Variants in SLC39A11 observed in about 807,000 individuals in gnomAD.
SLC39A11 encodes zinc transporter ZIP11.
SLC39A11 carries 33 observed loss-of-function variants against 36.1 expected under a neutral mutation model. The observed-to-expected ratio is 0.91, with a 90% CI of 0.69 to 1.22. The LOEUF is 1.22. Among genes scored for constraint, SLC39A11 ranks in the 50% most tolerant of loss-of-function variants. The pLI, the probability that SLC39A11 is intolerant of heterozygous loss-of-function variation, is 0.00. For missense variants in SLC39A11, 432 were observed against 430.3 expected (o/e 1.00, Z -0.03); for synonymous variants, 166 against 170.3 (o/e 0.97, Z 0.20).
chr17:73,056,309 T>C (rs991092798), intron 3 of SLC39A11, among the ~76,000 whole-genome samples: 10 of 152,048 alleles, frequency 6.6e-5, no homozygotes, highest in African/African-American at 2.2e-4. Flanking sequence ...GCTGGGACTA[T>C]AGGCGCCATC....
intron 7 of SLC39A11, among the ~76,000 whole-genome samples, chr17:72,717,893 C>T (rs144304233): frequency 5.9e-5 from 9 of 152,312 alleles, no homozygotes; most frequent in Admixed American, 2.6e-4. Flanking sequence ...ACCGCAAGGC[C>T]ACCAGATCAC....
chr17:72,914,742 C>A (rs2083235677), intron 5 of SLC39A11, among the ~76,000 whole-genome samples: 1 of 152,094 alleles, frequency 6.6e-6, no homozygotes, highest in Non-Finnish European at 1.5e-5. Context: ...GTGACAGACT[C>A]CTATAATCCC....
chr17:72,828,283 G>A (rs1195529470), intron 6 of SLC39A11, among the ~76,000 whole-genome samples: 1 of 152,186 alleles, frequency 6.6e-6, no homozygotes, highest in Non-Finnish European at 1.5e-5. Flanking sequence ...TAATCATAAG[G>A]GTCCTTAAAA....
intron 6 of SLC39A11, among the ~76,000 whole-genome samples, chr17:72,739,772 G>T (rs76705811): frequency 6.6e-6 from 1 of 152,014 alleles, no homozygotes; most frequent in African/African-American, 2.4e-5. Flanking sequence ...CTTTAAAATC[G>T]ATACGCATTT....
At chr17:72,925,304 A>T (rs1168156812) in intron 5 of SLC39A11, among the ~76,000 whole-genome samples, 1 of 152,214 alleles carries the variant, frequency 6.6e-6, no homozygotes, top group Non-Finnish European at 1.5e-5. Context: ...TTCACACCTG[A>T]TTCCATGATT....
chr17:72,663,645 G>T (rs1353909442), intron 7 of SLC39A11, among the ~76,000 whole-genome samples: 1 of 152,140 alleles, frequency 6.6e-6, no homozygotes, highest in Non-Finnish European at 1.5e-5. Flanking sequence ...AATGATGAGG[G>T]CCTCAGTCTC....
chr17:73,077,633 A>G (rs890834766), intron 3 of SLC39A11, among the ~76,000 whole-genome samples: 3 of 152,196 alleles, frequency 2.0e-5, no homozygotes, highest in Non-Finnish European at 4.4e-5. Flanking sequence ...TGGCTCAAGG[A>G]CAATTTTAGA....
intron 6 of SLC39A11, among the ~76,000 whole-genome samples, chr17:72,739,299 G>A (rs1303410197): frequency 6.6e-6 from 1 of 151,912 alleles, no homozygotes; most frequent in East Asian, 1.9e-4. Context: ...GCTAATTTTT[G>A]TACTTTTAGT....
At chr17:72,868,651 A>G (rs2146335123) in intron 5 of SLC39A11, among the ~76,000 whole-genome samples, 1 of 130,616 alleles carries the variant, frequency 7.7e-6, no homozygotes, top group East Asian at 2.4e-4. Flanking sequence ...AAAAAAAAAG[A>G]AAGAAAAAAT....
chr17:72,880,209 T>C (rs1598251973), intron 5 of SLC39A11, among the ~76,000 whole-genome samples: 2 of 152,322 alleles, frequency 1.3e-5, no homozygotes, highest in East Asian at 3.9e-4. Context: ...CCATCATCCA[T>C]CACGATGTGG....
At chr17:72,933,790 G>A (rs1485275090) in intron 5 of SLC39A11, among the ~76,000 whole-genome samples, 2 of 152,164 alleles carry the variant, frequency 1.3e-5, no homozygotes, top group African/African-American at 2.4e-5. Context: ...AAAGTGCTGG[G>A]ATTACAGGCG....
chr17:72,959,456 A>G (rs2086474506), intron 4 of SLC39A11, among the ~76,000 whole-genome samples: 1 of 150,846 alleles, frequency 6.6e-6, no homozygotes, highest in Non-Finnish European at 1.5e-5. Flanking sequence ...TTCTAAGTGA[A>G]GTAACTCAAG....
At chr17:73,087,474 G>T (rs948821155) in intron 2 of SLC39A11, among the ~76,000 whole-genome samples, 2 of 152,206 alleles carry the variant, frequency 1.3e-5, no homozygotes, top group Non-Finnish European at 2.9e-5. Flanking sequence ...AGGCTACCGA[G>T]GTGATCGATG....
chr17:72,870,996 G>A (rs1430353663), intron 5 of SLC39A11, among the ~76,000 whole-genome samples: 1 of 148,718 alleles, frequency 6.7e-6, no homozygotes, highest in Non-Finnish European at 1.5e-5. Flanking sequence ...AGAGTCTTTT[G>A]TTATTCATAA....
At chr17:73,040,475 G>A (rs2143467041) in intron 3 of SLC39A11, among the ~76,000 whole-genome samples, 2 of 152,308 alleles carry the variant, frequency 1.3e-5, no homozygotes, top group South Asian at 4.1e-4. Flanking sequence ...CATTGGTGGG[G>A]AAACTGGTGA....
intron 7 of SLC39A11, among the ~76,000 whole-genome samples, chr17:72,682,339 C>T (rs1167464076): frequency 1.5e-5 from 2 of 131,582 alleles, no homozygotes; most frequent in Non-Finnish European, 3.1e-5. Flanking sequence ...TCCATGAAAC[C>T]GGTCCCTGGT....
intron 4 of SLC39A11, among the ~76,000 whole-genome samples, chr17:72,966,098 G>T (rs971254258): frequency 1.3e-5 from 2 of 152,204 alleles, no homozygotes; most frequent in Admixed American, 6.5e-5. Context: ...CTGAACCAGG[G>T]TGACAGGCCC....
intron 5 of SLC39A11, among the ~76,000 whole-genome samples, chr17:72,914,028 G>A (rs1210819552): frequency 3.8e-5 from 4 of 104,988 alleles, no homozygotes; most frequent in Non-Finnish European, 7.7e-5. Context: ...AAAAAGGCTG[G>A]GTGTGGTGAT....
intron 7 of SLC39A11, among the ~76,000 whole-genome samples, chr17:72,720,749 T>G (rs1200002147): frequency 6.6e-6 from 1 of 152,152 alleles, no homozygotes; most frequent in Non-Finnish European, 1.5e-5. Context: ...TCTTGCAGAT[T>G]AGGAAACAGA....
Sources: allele counts gnomAD v4.1 joint callset (sites outside exome capture counted in the v4.1 genomes callset), GRCh38; gene constraint gnomAD v4.1.1; transcripts MANE v1.5; gene names NCBI Gene and HGNC (gene_info 2026-07-23, HGNC 2026-07-21).